Variants in SVIL observed in about 807,000 individuals in gnomAD.
The protein encoded by SVIL is archvillin.
A neutral mutation model predicts 240.4 loss-of-function variants in SVIL; 101 were observed. The observed-to-expected ratio is 0.42, with a 90% CI of 0.36 to 0.50. The LOEUF is 0.50. SVIL is among the 20% of genes least tolerant of loss of function. The pLI, the probability that SVIL is intolerant of heterozygous loss-of-function variation, is 0.01. For synonymous variants in SVIL, 999 were observed against 1,100.0 expected, an observed-to-expected ratio of 0.91 and a Z score of 1.82; for missense variants, 2,512 against 2,818.7, an observed-to-expected ratio of 0.89 and a Z score of 2.46.
intron 3 of SVIL, among the ~76,000 whole-genome samples, chr10:29,652,292 G>A (rs2133013903): frequency 6.6e-6 from 1 of 151,926 alleles, no homozygotes; most frequent in South Asian, 2.1e-4. Flanking sequence ...CACATAAAAG[G>A]AATTATACAG....
chr10:29,540,025 C>A (rs763055154), intron 6 of SVIL, among the ~76,000 whole-genome samples: 24 of 152,142 alleles, frequency 1.6e-4, no homozygotes, highest in Non-Finnish European at 3.4e-4. Flanking sequence ...AAGCCACCAC[C>A]GCCTCTCACG....
At chr10:29,481,168 T>G (rs11007611) in intron 28 of SVIL, among the ~76,000 whole-genome samples, 248 of 109,664 alleles carry the variant, frequency 2.3e-3, no homozygotes, top group African/African-American at 6.0e-3. Context: ...GTGTGTGTGT[T>G]TGTTTGTGTG....
At chr10:29,732,900 C>T (rs1964700826) in intron 1 of SVIL, among the ~76,000 whole-genome samples, 1 of 151,228 alleles carries the variant, frequency 6.6e-6, no homozygotes, top group Non-Finnish European at 1.5e-5. Context: ...CATTAGAATA[C>T]TGGGCTTTAA....
At chr10:29,508,272 T>C in intron 17 of SVIL, 3 of 1,060,362 alleles carry the variant, frequency 2.8e-6, no homozygotes, top group Non-Finnish European at 3.8e-6. Context: ...CCACCCAGGA[T>C]CAGGATTACC....
At chr10:29,499,807 G>C (rs1323633528) in intron 17 of SVIL, among the ~76,000 whole-genome samples, 4 of 152,220 alleles carry the variant, frequency 2.6e-5, no homozygotes, top group African/African-American at 9.6e-5. Flanking sequence ...AGCCACTGAT[G>C]TTCTGCGGGC....
At chr10:29,645,410 A>G (rs1051503687) in intron 3 of SVIL, among the ~76,000 whole-genome samples, 1 of 152,086 alleles carries the variant, frequency 6.6e-6, no homozygotes, top group Admixed American at 6.5e-5. Context: ...TCTCTACTAA[A>G]AATACAAAAA....
chr10:29,519,542 G>A (rs148629265), intron 16 of SVIL, among the ~76,000 whole-genome samples: 8 of 152,256 alleles, frequency 5.3e-5, no homozygotes, highest in African/African-American at 1.9e-4. Flanking sequence ...ACAAAAGGGA[G>A]GGATTAAAGT....
At chr10:29,494,182 G>GA (rs71020792) in intron 20 of SVIL, among the ~76,000 whole-genome samples, 10 of 147,202 alleles carry the variant, frequency 6.8e-5, no homozygotes, top group East Asian at 2.0e-4. Context: ...AAACAAACAA[G>GA]AAAAAAAAAA....
rs148483596 is a variant in SVIL, at chr10:29,730,228, T to A, written c.-400+5523A>T. On this transcript the variant is annotated intron_variant, in intron 1 of 35. Transcript: ENST00000375400. ...ATAAGATGCTAAGAGAACTGTAATG[T>A]GCAAAGAAATGTACTAAGGAAGGGA... 6.3e-3 allele frequency among the ~76,000 whole-genome samples: 953 copies of A among 152,238 alleles called. 8 individuals carry two copies. The highest frequency in any genetic ancestry group is 0.022 in the African/African-American group (899 of 41,534).
chr10:29,532,978 C>T lies in SVIL; in HGVS notation c.1389G>A (p.Gly463=). The T allele has an allele frequency of 1.2e-6, 2 of 1,614,152 alleles. No homozygotes were observed. The highest frequency in any genetic ancestry group is 1.7e-6 in the Non-Finnish European group (2 of 1,180,042). Reference sequence around the variant, plus strand: ...AGGGATCTTCTGGGCTTCTCACTAGCCCATCACCCTCCAAAGCCAGTAGGG... The same window carrying T: ...AGGGATCTTCTGGGCTTCTCACTAGTCCATCACCCTCCAAAGCCAGTAGGG... The part of the protein sequence containing the change: ...KKTLLALEGD[G]LVRSPEDPSR... Residue 463 remains glycine (G), a synonymous_variant, in exon 8 of 38, where the codon GGG becomes GGA. Transcript: ENST00000355867.
At chr10:29,632,757 G>A (rs1958149280) in intron 1 of SVIL, among the ~76,000 whole-genome samples, 1 of 152,160 alleles carries the variant, frequency 6.6e-6, no homozygotes, top group African/African-American at 2.4e-5. Context: ...ATAAAGGTAG[G>A]CAGGAAGGCA....
chr10:29,582,486 C>G (rs1036469483), intron 1 of SVIL, among the ~76,000 whole-genome samples: 2 of 152,094 alleles, frequency 1.3e-5, no homozygotes, highest in African/African-American at 4.8e-5. Context: ...CCTGTAATCC[C>G]AGCACTTTGG....
At position 29,512,757 on chromosome 10, in the gene SVIL, G is replaced by C. The variant is rs770060171; in HGVS notation, c.3494C>G (p.Ala1165Gly). The change falls in exon 17 of 38, where the codon GCA (alanine) becomes GGA (glycine). Residue 1165 changes from alanine (A) to glycine (G), a missense_variant. Physicochemically the swap from Ala to Gly is moderately conservative, Grantham distance 60. Coordinates refer to ENST00000355867, the MANE Select transcript of SVIL (RefSeq NM_021738.3). ...TACCTTCTTGATGAGGGACCGCCCT[G>C]CTTCCTGGGTGTGCAGGCTGCTGGC... ...APASSLHTQE[A>G]GRSLIKKRVT... The C allele has an allele frequency of 1.4e-5, 23 of 1,613,928 alleles. No homozygotes were observed. Among genetic ancestry groups the C allele is most frequent in the Non-Finnish European group, 1.8e-5 (21 of 1,180,052 alleles).
chr10:29,725,857 T>C (rs1240149530), intron 1 of SVIL, among the ~76,000 whole-genome samples: 4 of 152,174 alleles, frequency 2.6e-5, no homozygotes, highest in South Asian at 2.1e-4. Flanking sequence ...TAGATCCCCA[T>C]GGTACATCCT....
chr10:29,542,225 G>A (rs1487325411), intron 6 of SVIL, among the ~76,000 whole-genome samples: 1 of 152,180 alleles, frequency 6.6e-6, no homozygotes, highest in Non-Finnish European at 1.5e-5. Context: ...GACACTTTAA[G>A]CAAACACAGA....
At position 29,480,753 on chromosome 10, in the gene SVIL, T is replaced by C. The variant is rs1261909373; in HGVS notation, c.5161A>G (p.Thr1721Ala). ...DVTRMVSMPQ[T>A]TAGTILDGVN... Reference sequence around the variant, plus strand: ...CCGTCCAGGATGGTGCCTGCTGTCGTCTGGGGCATGGACACCATCCGTGTC... The same window carrying C: ...CCGTCCAGGATGGTGCCTGCTGTCGCCTGGGGCATGGACACCATCCGTGTC... Residue 1721 changes from threonine (T) to alanine (A), a missense_variant, in exon 29 of 38, where the codon ACG becomes GCG. By Grantham distance (58) the Thr-to-Ala change is moderately conservative (BLOSUM62 0). This residue lies in a region of SVIL where 797 missense variants were observed against 925.3 expected (regional missense o/e 0.86). Coordinates refer to ENST00000355867, the MANE Select transcript of SVIL (RefSeq NM_021738.3). The C allele has an allele frequency of 2.5e-6, 4 of 1,613,924 alleles. No individual in the cohort carries two copies. In the African/African-American group the frequency reaches 5.3e-5, roughly 22 times the overall value.
intron 2 of SVIL, among the ~76,000 whole-genome samples, chr10:29,661,815 GA>G (rs1959166819): frequency 6.6e-6 from 1 of 152,156 alleles, no homozygotes; most frequent in South Asian, 2.1e-4. Context: ...TTCTAGAACT[GA>G]AAATCAAATA....
Position 29,529,750 on chromosome 10 carries a change from G to A in SVIL, c.2201C>T (p.Ser734Phe), listed in dbSNP as rs770958987. Reference protein sequence around the residue: ...EQRLRRLQDRSLTQPITTEEV... With the variant: ...EQRLRRLQDRFLTQPITTEEV... The stretch of plus-strand genomic sequence containing the variant: ...TTCAGTGGTGATGGGCTGGGTGAGG[G>A]ACCTGTCCTGCAGACGGCGTAGCCT... The change falls in exon 12 of 38, where the codon TCC (serine) becomes TTC (phenylalanine). Residue 734 changes from serine (S) to phenylalanine (F), a missense_variant. Ser to Phe is a radical substitution (Grantham distance 155). Transcript: ENST00000355867. 1.2e-6 allele frequency: 2 copies of A among 1,613,656 alleles called. No homozygotes were observed. Among genetic ancestry groups the A allele is most frequent in the South Asian group, 2.2e-5 (2 of 90,992 alleles).
At chr10:29,609,485 T>C (rs1957156966) in intron 1 of SVIL, among the ~76,000 whole-genome samples, 1 of 152,126 alleles carries the variant, frequency 6.6e-6, no homozygotes, top group African/African-American at 2.4e-5. Flanking sequence ...GGCTGAAACA[T>C]GTCCCCCCAC....
Sources: gnomAD v4.1 joint callset for allele counts (sites outside exome capture counted in the v4.1 genomes callset) on GRCh38, gnomAD v4.1.1 for gene constraint, gnomAD v4.1.1 regional missense constraint, MANE v1.5 for transcripts, NCBI Gene and HGNC (gene_info 2026-07-23, HGNC 2026-07-21) for gene names.